Variants in RAPGEF6 observed in about 807,000 individuals in gnomAD.
RAPGEF6 encodes Rap guanine nucleotide exchange factor 6, also known as PDZ domain containing guanine nucleotide exchange factor (GEF) 2.
Under a neutral mutation model 171.4 loss-of-function variants are expected in RAPGEF6, and 56 were observed. That is an observed-to-expected ratio of 0.33 (90% CI 0.26 to 0.41). The LOEUF (loss-of-function observed/expected upper bound fraction) is 0.41. RAPGEF6 is among the 10% of genes least tolerant of loss of function. The probability of loss-of-function intolerance (pLI) is 1.00; values close to 1 mark genes in which losing one functional copy is unlikely to be tolerated. For missense variants in RAPGEF6, 1,674 were observed against 1,921.4 expected, an observed-to-expected ratio of 0.87 and a Z score of 2.41; for synonymous variants, 692 against 650.1, an observed-to-expected ratio of 1.06 and a Z score of -0.98.
At chr5:131,566,323 AT>A in intron 4 of RAPGEF6, among the ~76,000 whole-genome samples, 1 of 152,122 alleles carries the variant, frequency 6.6e-6, no homozygotes, top group Non-Finnish European at 1.5e-5. Context: ...CTTTTTCTGC[AT>A]TTATTGAAAG....
intron 6 of RAPGEF6, among the ~76,000 whole-genome samples, chr5:131,531,876 A>G (rs958224808): frequency 1.3e-5 from 2 of 152,196 alleles, no homozygotes; most frequent in East Asian, 1.9e-4. Context: ...TCTCAAATGC[A>G]CTGCATTTTA....
intron 21 of RAPGEF6, among the ~76,000 whole-genome samples, chr5:131,451,932 A>T (rs1486429893): frequency 6.6e-6 from 1 of 152,214 alleles, no homozygotes; most frequent in African/African-American, 2.4e-5. Context: ...CCTGAAAATT[A>T]TAAAAATTAC....
At position 131,436,790 on chromosome 5, in the gene RAPGEF6, A is replaced by G. The variant is rs560784056; in HGVS notation, c.3745+2791T>C. On this transcript the variant is annotated intron_variant, in intron 24 of 27. Coordinates refer to ENST00000509018, the MANE Select transcript of RAPGEF6 (RefSeq NM_016340.6). ...TATGAAGAAGCTTAGTAAAAACCAA[A>G]TAAGACATATAAATAGTACATACAA... is the stretch of plus-strand genomic sequence containing the variant. Among the ~76,000 whole-genome samples the G allele has an allele frequency of 7.4e-4, 112 of 152,344 alleles. 1 individual carries two copies. The highest frequency in any genetic ancestry group is 2.6e-3 in the African/African-American group (110 of 41,584).
intron 17 of RAPGEF6, among the ~76,000 whole-genome samples, chr5:131,468,800 A>G (rs1165148205): frequency 6.6e-6 from 1 of 152,208 alleles, no homozygotes; most frequent in African/African-American, 2.4e-5. Context: ...GAGAATTCAT[A>G]CAGCAAAAAG....
chr5:131,603,931 G>GT (rs1323301139), intron 2 of RAPGEF6, among the ~76,000 whole-genome samples: 1 of 152,040 alleles, frequency 6.6e-6, no homozygotes, highest in Admixed American at 6.6e-5. Flanking sequence ...GCTGTTCGTG[G>GT]TGGGAACACA....
chr5:131,478,971 T>C (rs1755288972), intron 16 of RAPGEF6, among the ~76,000 whole-genome samples: 1 of 152,224 alleles, frequency 6.6e-6, no homozygotes, highest in Non-Finnish European at 1.5e-5. Flanking sequence ...ATGTAATATA[T>C]ACTAGAGTCA....
chr5:131,550,065 G>C (rs989954769), intron 5 of RAPGEF6, among the ~76,000 whole-genome samples: 1 of 152,030 alleles, frequency 6.6e-6, no homozygotes, highest in Non-Finnish European at 1.5e-5. Flanking sequence ...CCAAATCTTT[G>C]GTTCAATTCT....
intron 4 of RAPGEF6, among the ~76,000 whole-genome samples, chr5:131,564,308 C>G (rs762629988): frequency 1.3e-5 from 2 of 152,204 alleles, no homozygotes; most frequent in South Asian, 4.2e-4. Flanking sequence ...GAAGAAAGGT[C>G]CTCTTGAGTC....
At chr5:131,587,057 A>G (rs1255509700) in intron 4 of RAPGEF6, among the ~76,000 whole-genome samples, 1 of 152,212 alleles carries the variant, frequency 6.6e-6, no homozygotes, top group Non-Finnish European at 1.5e-5. Flanking sequence ...TGGGAAGCAT[A>G]CTAGCAGAAA....
intron 1 of RAPGEF6, among the ~76,000 whole-genome samples, chr5:131,623,201 T>A (rs1216913300): frequency 6.6e-6 from 1 of 152,178 alleles, no homozygotes; most frequent in Admixed American, 6.5e-5. Flanking sequence ...TAATCTATAT[T>A]TTTCTGTGAT....
chr5:131,468,737 C>T (rs142134967), intron 17 of RAPGEF6, among the ~76,000 whole-genome samples: 2 of 152,196 alleles, frequency 1.3e-5, no homozygotes, highest in African/African-American at 4.8e-5. Context: ...AATTTACTTA[C>T]ATTCAAGTGA....
chr5:131,550,111 TA>T (rs1372587384), intron 5 of RAPGEF6, among the ~76,000 whole-genome samples: 1 of 152,172 alleles, frequency 6.6e-6, no homozygotes, highest in Non-Finnish European at 1.5e-5. Context: ...ATCTCTCCCA[TA>T]ATGCTCTTTC....
chr5:131,518,474 C>T (rs745398549), intron 7 of RAPGEF6, among the ~76,000 whole-genome samples: 5 of 151,416 alleles, frequency 3.3e-5, no homozygotes, highest in Non-Finnish European at 7.4e-5. Context: ...CTTGGGTCAC[C>T]GCAACCTCCG....
intron 21 of RAPGEF6, among the ~76,000 whole-genome samples, chr5:131,451,421 T>TG (rs756875138): frequency 6.9e-6 from 1 of 145,666 alleles, no homozygotes; most frequent in Admixed American, 6.8e-5. Context: ...CTATCTCTAC[T>TG]GGAAAAAAAA....
chr5:131,508,097 C>T lies in RAPGEF6; in HGVS notation c.916G>A (p.Ala306Thr), dbSNP rs1267274778. The T allele has an allele frequency of 6.2e-7, 1 of 1,610,198 alleles. No homozygotes were observed. Among genetic ancestry groups the T allele is most frequent in the Non-Finnish European group, 8.5e-7 (1 of 1,178,152 alleles). ...MIFEVVEQAGAIILEDGQELD... is the reference protein window; with the variant it reads ...MIFEVVEQAGTIILEDGQELD... Reference sequence around the variant, plus strand: ...TCTTGCCCATCTTCAAGAATAATAGCTCCAGCCTGCTCTACCACTTCAAAA... The same window carrying T: ...TCTTGCCCATCTTCAAGAATAATAGTTCCAGCCTGCTCTACCACTTCAAAA... Residue 306 changes from alanine to threonine, a missense_variant, in exon 9 of 28, where the codon GCT becomes ACT. This residue lies in a region of RAPGEF6 where 1,116 missense variants were observed against 1,321.5 expected (regional missense o/e 0.84). Coordinates refer to ENST00000509018, the MANE Select transcript of RAPGEF6 (RefSeq NM_016340.6).
intron 1 of RAPGEF6, among the ~76,000 whole-genome samples, chr5:131,627,487 T>C (rs1766008735): frequency 6.6e-6 from 1 of 152,200 alleles, no homozygotes; most frequent in Non-Finnish European, 1.5e-5. Context: ...TATGTGCAAA[T>C]CATGGCATTA....
intron 10 of RAPGEF6, 31 bp downstream of exon 10, chr5:131,505,333 C>CAAG (rs1439076226): frequency 1.2e-6 from 2 of 1,609,810 alleles, no homozygotes; most frequent in Admixed American, 1.7e-5. Context: ...AACCAACAGA[C>CAAG]AAGAAGACTT....
intron 1 of RAPGEF6, among the ~76,000 whole-genome samples, chr5:131,632,972 T>C (rs1370136257): frequency 6.6e-6 from 1 of 152,214 alleles, no homozygotes; most frequent in African/African-American, 2.4e-5. Context: ...CACAATAAAG[T>C]ACTTAACACA....
At chr5:131,581,365 C>T (rs1203351184) in intron 4 of RAPGEF6, among the ~76,000 whole-genome samples, 1 of 152,174 alleles carries the variant, frequency 6.6e-6, no homozygotes, top group Non-Finnish European at 1.5e-5. Context: ...CTGGCTTCTT[C>T]CAATTGTTAG....
Sources: allele counts gnomAD v4.1 joint callset (sites outside exome capture counted in the v4.1 genomes callset), GRCh38; gene constraint gnomAD v4.1.1; regional missense constraint gnomAD v4.1.1; transcripts MANE v1.5; gene names NCBI Gene and HGNC (gene_info 2026-07-23, HGNC 2026-07-21).